Variants in ARNT2 observed in about 807,000 individuals in gnomAD.
ARNT2 encodes the protein aryl hydrocarbon receptor nuclear translocator 2.
ARNT2 carries 36 observed loss-of-function variants against 91.7 expected under a neutral mutation model. That is an observed-to-expected ratio of 0.39 (90% CI 0.30 to 0.52). ARNT2 has a LOEUF of 0.52. ARNT2 is among the 20% of genes least tolerant of loss of function. The probability of loss-of-function intolerance (pLI) is 0.72; values close to 1 mark genes in which losing one functional copy is unlikely to be tolerated. For missense variants in ARNT2, 775 were observed against 939.3 expected, an observed-to-expected ratio of 0.83 and a Z score of 2.29; for synonymous variants, 365 against 347.1, an observed-to-expected ratio of 1.05 and a Z score of -0.57.
chr15:80,508,360 C>A, intron 6 of ARNT2, 102 bp downstream of exon 6: 3 of 1,103,972 alleles, frequency 2.7e-6, no homozygotes, highest in Non-Finnish European at 4.1e-6. Flanking sequence ...CACATGCCAA[C>A]GTGGGTTCAC....
rs1425083916 is a variant in ARNT2, at chr15:80,576,948, C to T, written c.1596C>T (p.His532=). Residue 532 remains histidine, a synonymous_variant, in exon 15 of 19, where the codon CAC becomes CAT. Coordinates refer to ENST00000303329, the MANE Select transcript of ARNT2 (RefSeq NM_014862.4). The stretch of plus-strand genomic sequence containing the variant: ...AAGGAAGCCCATTTCCCTCTGGACA[C>T]TCCGGGAAGGCCTTCAGGTATGTGC... ...YSQGSPFPSG[H]SGKAFSSSVV... is the part of the protein sequence containing the mutation. 6.2e-7 allele frequency: 1 copy of T among 1,614,098 alleles called. No homozygotes were observed. Among genetic ancestry groups the T allele is most frequent in the Non-Finnish European group, 8.5e-7 (1 of 1,180,024 alleles).
chr15:80,491,930 CA>C (rs1897062908), intron 5 of ARNT2, among the ~76,000 whole-genome samples: 2 of 151,250 alleles, frequency 1.3e-5, no homozygotes, highest in African/African-American at 4.9e-5. Context: ...ACTGAAAAGA[CA>C]ATTCTTTCTC....
chr15:80,544,171 T>C (rs533093435), intron 8 of ARNT2, among the ~76,000 whole-genome samples: 5 of 152,238 alleles, frequency 3.3e-5, no homozygotes, highest in Non-Finnish European at 7.3e-5. Context: ...GTTAATGTGT[T>C]TGTTTGCTAA....
chr15:80,441,813 C>T (rs2141578402), intron 1 of ARNT2, among the ~76,000 whole-genome samples: 1 of 152,300 alleles, frequency 6.6e-6, no homozygotes, highest in Non-Finnish European at 1.5e-5. Context: ...CATTATAAGC[C>T]AGATATGTTT....
chr15:80,415,381 G>A (rs567780172), intron 1 of ARNT2, among the ~76,000 whole-genome samples: 7 of 152,354 alleles, frequency 4.6e-5, no homozygotes, highest in South Asian at 2.1e-4. Flanking sequence ...CGTGGTTTCC[G>A]CTTTCACAGA....
chr15:80,433,710 A>G (rs534475287), intron 1 of ARNT2: 4 of 152,334 alleles, frequency 2.6e-5, no homozygotes, highest in Admixed American at 6.5e-5. Context: ...TGAAAAATCA[A>G]CTCACAAAAG....
At chr15:80,528,917 A>G (rs1897690436) in intron 8 of ARNT2, among the ~76,000 whole-genome samples, 1 of 152,218 alleles carries the variant, frequency 6.6e-6, no homozygotes, top group Non-Finnish European at 1.5e-5. Context: ...ATCTTTTTCA[A>G]GAAACAGGTT....
chr15:80,404,637 G>T lies in ARNT2; in HGVS notation c.31+91G>T, dbSNP rs1029680533. The T allele has an allele frequency of 1.1e-4, 95 of 882,614 alleles. No homozygotes were observed. The East Asian group carries it at 5.8e-3, about 54-fold the overall frequency. 54.7% of individuals were successfully genotyped at this position (882,614 alleles called of 1,614,324 possible). On this transcript the variant is annotated intron_variant, in intron 1 of 18. Coordinates refer to ENST00000303329, the MANE Select transcript of ARNT2 (RefSeq NM_014862.4). The surrounding 1 kb of genome is among the most constrained non-coding windows in gnomAD (Gnocchi z 5.5). ...CCAGGCGCGCCGGGCGCCCCCGGGG[G>T]CGCGGAGCCGCAGCTCGGCGCGGTG... is the stretch of plus-strand genomic sequence containing the variant.
chr15:80,547,370 C>T (rs1898006297), intron 8 of ARNT2, among the ~76,000 whole-genome samples: 1 of 152,272 alleles, frequency 6.6e-6, no homozygotes, highest in East Asian at 1.9e-4. Flanking sequence ...GCCGGCTTCA[C>T]TTAAGAATGT....
intron 1 of ARNT2, chr15:80,434,086 G>T (rs1896052225): frequency 6.6e-6 from 1 of 152,248 alleles, no homozygotes; most frequent in Non-Finnish European, 1.5e-5. Flanking sequence ...GAAAGTTAGA[G>T]TGACATCTTT....
chr15:80,487,520 A>G (rs1354714991), intron 5 of ARNT2, among the ~76,000 whole-genome samples: 1 of 152,260 alleles, frequency 6.6e-6, no homozygotes, highest in Non-Finnish European at 1.5e-5. Flanking sequence ...CCCCCAGCTC[A>G]GGACATAGTC....
chr15:80,551,785 C>G (rs967165967), intron 9 of ARNT2, among the ~76,000 whole-genome samples: 1 of 152,114 alleles, frequency 6.6e-6, no homozygotes, highest in African/African-American at 2.4e-5. Flanking sequence ...ATCTGCTCAT[C>G]TTTCAAGACC....
intron 8 of ARNT2, among the ~76,000 whole-genome samples, chr15:80,529,561 G>A (rs1168098837): frequency 2.1e-5 from 3 of 145,346 alleles, no homozygotes; most frequent in Non-Finnish European, 4.5e-5. Flanking sequence ...CTTTTCCTTA[G>A]AGTTCAGAAT....
intron 1 of ARNT2, among the ~76,000 whole-genome samples, chr15:80,449,741 G>A (rs1448195387): frequency 1.3e-5 from 2 of 152,108 alleles, no homozygotes; most frequent in Non-Finnish European, 1.5e-5. Flanking sequence ...CGTAACTGTG[G>A]GTCAACTGTC....
chr15:80,469,503 TTATAA>T (rs959286087), intron 3 of ARNT2, among the ~76,000 whole-genome samples: 10 of 150,374 alleles, frequency 6.7e-5, no homozygotes, highest in Admixed American at 2.7e-4. Flanking sequence ...TAAATATTAT[TTATAA>T]TATATTACAT....
chr15:80,536,291 G>A (rs1170217498), intron 8 of ARNT2, among the ~76,000 whole-genome samples: 2 of 152,172 alleles, frequency 1.3e-5, no homozygotes, highest in African/African-American at 4.8e-5. Flanking sequence ...GAGGAGCCAG[G>A]GTCTGATTTA....
chr15:80,502,372 TC>T (rs947778177), intron 5 of ARNT2, among the ~76,000 whole-genome samples: 3 of 152,170 alleles, frequency 2.0e-5, no homozygotes, highest in Non-Finnish European at 2.9e-5. Flanking sequence ...AGGTGGGCCT[TC>T]CACATGGGTG....
At chr15:80,498,958 C>T (rs1046244497) in intron 5 of ARNT2, among the ~76,000 whole-genome samples, 1 of 152,118 alleles carries the variant, frequency 6.6e-6, no homozygotes, top group Non-Finnish European at 1.5e-5. Flanking sequence ...GTCAGGCTGC[C>T]CTCTTCAAAT....
At chr15:80,549,915 T>C (rs1898053914) in intron 8 of ARNT2, among the ~76,000 whole-genome samples, 1 of 152,262 alleles carries the variant, frequency 6.6e-6, no homozygotes, top group Non-Finnish European at 1.5e-5. Context: ...CATTGCAGCA[T>C]TGTTTCTCAT....
Sources: allele counts gnomAD v4.1 joint callset (sites outside exome capture counted in the v4.1 genomes callset), GRCh38; gene constraint gnomAD v4.1.1; non-coding constraint Gnocchi (gnomAD v3.1); transcripts MANE v1.5; gene names NCBI Gene and HGNC (gene_info 2026-07-23, HGNC 2026-07-21).